TRHDE: variants seen among roughly 807,000 people sequenced by gnomAD.
TRHDE encodes thyrotropin releasing hormone degrading enzyme.
A neutral mutation model predicts 125.7 loss-of-function variants in TRHDE; 72 were observed. The ratio of observed to expected loss-of-function variants is 0.57; its 90% CI spans 0.47 to 0.70. TRHDE has a LOEUF of 0.70. TRHDE is among the 30% of genes least tolerant of loss of function. TRHDE has a pLI of 0.00. For missense variants in TRHDE, 1,110 were observed against 1,327.1 expected, an observed-to-expected ratio of 0.84 and a Z score of 2.54; for synonymous variants, 509 against 509.1, an observed-to-expected ratio of 1.00 and a Z score of 0.00.
At chr12:72,434,370 G>A (rs901112099) in intron 3 of TRHDE, among the ~76,000 whole-genome samples, 20 of 138,090 alleles carry the variant, frequency 1.4e-4, no homozygotes, top group Non-Finnish European at 3.0e-5. Flanking sequence ...GGGCAACAGA[G>A]CCAGACTCTC....
intron 8 of TRHDE, 125 bp downstream of exon 8, chr12:72,562,355 C>A: frequency 2.0e-6 from 1 of 491,964 alleles, no homozygotes; most frequent in Non-Finnish European, 3.6e-6. Context: ...TTCATTTGTT[C>A]ATATTGATTT....
chr12:72,308,418 G>T (rs1431095433), intron 2 of TRHDE, among the ~76,000 whole-genome samples: 2 of 152,100 alleles, frequency 1.3e-5, no homozygotes, highest in African/African-American at 2.4e-5. Flanking sequence ...TTCTAGAACT[G>T]ATTCTGGTTC....
At chr12:72,121,720 CT>C (rs57483232) in intron 2 of TRHDE, among the ~76,000 whole-genome samples, 11,250 of 111,898 alleles carry the variant, frequency 0.1, 458 homozygotes, top group East Asian at 0.26. Context: ...ACGAAGGTGC[CT>C]TTTTTTTTTT....
intron 3 of TRHDE, among the ~76,000 whole-genome samples, chr12:72,456,625 C>T (rs1263444096): frequency 6.6e-6 from 1 of 151,922 alleles, no homozygotes; most frequent in East Asian, 1.9e-4. Flanking sequence ...GAAAATGGCT[C>T]CTGGCAATTT....
chr12:72,621,631 T>G lies in TRHDE; in HGVS notation c.2568-13T>G, dbSNP rs779561990. 7.0e-6 allele frequency: 11 copies of G among 1,576,854 alleles called. No homozygotes were observed. Among genetic ancestry groups the G allele is most frequent in the Non-Finnish European group, 9.5e-6 (11 of 1,156,852 alleles). On this transcript the variant is annotated splice_polypyrimidine_tract_variant and intron_variant, in intron 14 of 18. Transcript: ENST00000261180. ...CTTTCTTTTTAATTTGTTTCCCTTT[T>G]GATGATATCTAGAGAACTACGTAGA...
intron 1 of TRHDE, among the ~76,000 whole-genome samples, chr12:72,104,510 T>G (rs1251113988): frequency 1.3e-5 from 2 of 152,236 alleles, no homozygotes; most frequent in Admixed American, 1.3e-4. Flanking sequence ...AAAAAAATTC[T>G]GATTACAGTT....
chr12:72,576,843 G>T (rs937705764), intron 12 of TRHDE, among the ~76,000 whole-genome samples: 4 of 152,054 alleles, frequency 2.6e-5, no homozygotes, highest in Admixed American at 6.6e-5. Flanking sequence ...TATCAACAAC[G>T]TGGAAATTGC....
At chr12:72,385,094 A>G (rs555761077) in intron 3 of TRHDE, among the ~76,000 whole-genome samples, 2 of 152,210 alleles carry the variant, frequency 1.3e-5, no homozygotes, top group Non-Finnish European at 2.9e-5. Context: ...ATATTGAGTT[A>G]CTATGTATGT....
At chr12:72,553,570 A>G (rs1869776650) in intron 7 of TRHDE, among the ~76,000 whole-genome samples, 1 of 152,072 alleles carries the variant, frequency 6.6e-6, no homozygotes, top group Admixed American at 6.6e-5. Flanking sequence ...TTGTCATCTC[A>G]GTAGAGCTCA....
intron 2 of TRHDE, chr12:72,167,473 A>G (rs1876777837): frequency 6.6e-6 from 1 of 152,184 alleles, no homozygotes; most frequent in South Asian, 2.1e-4. Flanking sequence ...TCTGAGGACT[A>G]CTAAACAGAT....
At chr12:72,456,693 CA>C (rs558471436) in intron 3 of TRHDE, among the ~76,000 whole-genome samples, 423 of 147,818 alleles carry the variant, frequency 2.9e-3, no homozygotes, top group Non-Finnish European at 4.4e-3. Flanking sequence ...ATGATTAGTA[CA>C]AAAAAAAAAT....
At chr12:72,407,523 A>T (rs1049542833) in intron 3 of TRHDE, among the ~76,000 whole-genome samples, 3 of 152,220 alleles carry the variant, frequency 2.0e-5, no homozygotes, top group Non-Finnish European at 2.9e-5. Flanking sequence ...AGGAGAGGTC[A>T]TTTGGGTCAA....
chr12:72,342,985 C>T (rs1870151860), intron 2 of TRHDE, among the ~76,000 whole-genome samples: 1 of 152,132 alleles, frequency 6.6e-6, no homozygotes, highest in Non-Finnish European at 1.5e-5. Context: ...GGTCCTGTTA[C>T]TACCTCCATC....
chr12:72,657,179 G>GTAT (rs1874741100), intron 18 of TRHDE, among the ~76,000 whole-genome samples, 171 bp downstream of exon 18: 1 of 152,000 alleles, frequency 6.6e-6, no homozygotes, highest in Admixed American at 6.6e-5. Context: ...TTTGCAAAGA[G>GTAT]TATTTTTACA....
chr12:72,517,999 G>T (rs1320009158), intron 6 of TRHDE, among the ~76,000 whole-genome samples: 1 of 150,156 alleles, frequency 6.7e-6, no homozygotes, highest in East Asian at 2.0e-4. Flanking sequence ...ATTGCACTGT[G>T]GTCTGAGAGA....
At chr12:72,641,758 C>G (rs1874071386) in intron 15 of TRHDE, among the ~76,000 whole-genome samples, 2 of 152,236 alleles carry the variant, frequency 1.3e-5, no homozygotes, top group East Asian at 1.9e-4. Flanking sequence ...ATTCATTTCA[C>G]TGTTTTTCAT....
intron 1 of TRHDE, among the ~76,000 whole-genome samples, chr12:72,276,422 C>T (rs190031428): frequency 9.9e-5 from 15 of 152,260 alleles, no homozygotes; most frequent in Non-Finnish European, 1.9e-4. Flanking sequence ...CAGTGCAGTC[C>T]ACTTCTCTTA....
At chr12:72,444,544 T>C (rs1875181337) in intron 3 of TRHDE, among the ~76,000 whole-genome samples, 1 of 151,864 alleles carries the variant, frequency 6.6e-6, no homozygotes, top group African/African-American at 2.4e-5. Context: ...TGCTAAACTT[T>C]AGTTTATTAT....
intron 3 of TRHDE, among the ~76,000 whole-genome samples, chr12:72,436,349 T>C (rs1161486721): frequency 1.3e-5 from 2 of 152,132 alleles, no homozygotes; most frequent in South Asian, 2.1e-4. Flanking sequence ...CCTGATAGTA[T>C]ACCAGCTTGT....
Sources: gnomAD v4.1 joint callset for allele counts (sites outside exome capture counted in the v4.1 genomes callset) on GRCh38, gnomAD v4.1.1 for gene constraint, MANE v1.5 for transcripts, NCBI Gene and HGNC (gene_info 2026-07-23, HGNC 2026-07-21) for gene names.